The following CENPC variants were observed in gnomAD, a reference collection of about 807,000 sequenced individuals.
CENPC encodes the protein CENP-C 1.
CENPC carries 63 observed loss-of-function variants against 112.1 expected under a neutral mutation model. The ratio of observed to expected loss-of-function variants is 0.56; its 90% CI spans 0.46 to 0.69. The LOEUF (loss-of-function observed/expected upper bound fraction) is 0.69. Among genes scored for constraint, CENPC ranks in the 30% least tolerant of loss-of-function variants. The probability of loss-of-function intolerance (pLI) is 0.00; values close to 1 mark genes in which losing one functional copy is unlikely to be tolerated. For missense variants in CENPC, 1,000 were observed against 1,103.8 expected (o/e 0.91, Z 1.33); for synonymous variants, 333 against 367.6 (o/e 0.91, Z 1.08).
intron 12 of CENPC, among the ~76,000 whole-genome samples, chr4:67,500,111 T>A (rs954421429): frequency 1.2e-4 from 18 of 151,894 alleles, no homozygotes; most frequent in African/African-American, 4.4e-4. Context: ...AAAAGTTTGA[T>A]ATACTGTGAA....
chr4:67,514,088 T>C lies in CENPC; in HGVS notation c.1430A>G (p.Gln477Arg), dbSNP rs1725976349. The change falls in exon 8 of 19, where the codon CAG becomes CGG. Residue 477 changes from glutamine (Q) to arginine (R), a missense_variant. Transcript: ENST00000273853. ...EMGNDCVSKK[Q>R]MPPVGSKKSS... ...TAAACACTTACCCACAGGTGGCATCTGTTTTTTGGAAACACAATCATTTCC... is the reference window on the plus strand; with the variant it reads ...TAAACACTTACCCACAGGTGGCATCCGTTTTTTGGAAACACAATCATTTCC... 5 of 1,594,190 alleles carry C rather than the reference T, an allele frequency of 3.1e-6. No homozygotes were observed. The highest frequency in any genetic ancestry group is 4.3e-6 in the Non-Finnish European group (5 of 1,172,996).
chr4:67,473,002 A>G (rs1724708490), intron 18 of CENPC, among the ~76,000 whole-genome samples: 1 of 152,250 alleles, frequency 6.6e-6, no homozygotes, highest in Non-Finnish European at 1.5e-5. Flanking sequence ...GGATTCCTCT[A>G]ACCAGACATA....
chr4:67,482,953 T>C (rs1358121632), intron 17 of CENPC, among the ~76,000 whole-genome samples: 8 of 151,978 alleles, frequency 5.3e-5, no homozygotes, highest in African/African-American at 9.7e-5. Flanking sequence ...TAGTGGGAGG[T>C]AGTTGAATCA....
intron 7 of CENPC, among the ~76,000 whole-genome samples, chr4:67,516,168 G>T (rs971209268): frequency 1.3e-5 from 2 of 151,954 alleles, no homozygotes; most frequent in Admixed American, 6.6e-5. Context: ...ATTAAGACTA[G>T]TGCATTGAGA....
At chr4:67,512,262 T>C in intron 9 of CENPC, 140 bp downstream of exon 9, 2 of 620,782 alleles carry the variant, frequency 3.2e-6, no homozygotes, top group South Asian at 2.1e-5. Context: ...ATCTTTACCA[T>C]TGATTTAATA....
chr4:67,504,230 A>G (rs1725673860), intron 12 of CENPC, among the ~76,000 whole-genome samples: 1 of 152,142 alleles, frequency 6.6e-6, no homozygotes, highest in Admixed American at 6.6e-5. Context: ...ACTACAATTT[A>G]GAGTATACTA....
chr4:67,486,556 A>G (rs1725099830), intron 17 of CENPC, among the ~76,000 whole-genome samples: 2 of 152,134 alleles, frequency 1.3e-5, no homozygotes, highest in African/African-American at 4.8e-5. Flanking sequence ...TTCTCAATCA[A>G]GGTGATTTTG....
intron 4 of CENPC, among the ~76,000 whole-genome samples, chr4:67,532,018 G>T (rs922733798): frequency 2.6e-5 from 4 of 152,074 alleles, no homozygotes; most frequent in Non-Finnish European, 5.9e-5. Flanking sequence ...CTAATATCCA[G>T]AATCTACAAA....
In CENPC at chr4:67,472,495, ATT is replaced by A; in HGVS notation, c.*108_*109del. 8.1e-7 allele frequency: 1 copy of A among 1,240,508 alleles called. No homozygotes were observed. Among genetic ancestry groups the A allele is most frequent in the Non-Finnish European group, 1.0e-6 (1 of 972,910 alleles). The allele number at this position is 1,240,508 out of a possible 1,614,324, so 76.8% of individuals were successfully genotyped here. The stretch of plus-strand genomic sequence containing the variant: ...ACAAGTCTACAGAAAACTGAATAAA[ATT>A]TTTATTTTAAAACATCACAAGTAAT... On this transcript the variant is annotated 3_prime_UTR_variant, in exon 19 of 19. Coordinates refer to ENST00000273853, the MANE Select transcript of CENPC (RefSeq NM_001812.4).
At chr4:67,524,537 T>A (rs1309859057) in intron 5 of CENPC, among the ~76,000 whole-genome samples, 7 of 151,810 alleles carry the variant, frequency 4.6e-5, no homozygotes, top group Non-Finnish European at 1.0e-4. Flanking sequence ...TATACACCAA[T>A]AACAGACAAG....
In CENPC at chr4:67,540,991, A is replaced by G. The variant is rs368845653; in HGVS notation, c.125T>C (p.Phe42Ser). Residue 42 changes from phenylalanine (F) to serine (S), a missense_variant, in exon 3 of 19, where the codon TTT becomes TCT. By Grantham distance (155) the Phe-to-Ser change is radical. Coordinates refer to ENST00000273853, the MANE Select transcript of CENPC (RefSeq NM_001812.4). Reference sequence around the variant, plus strand: ...AAATGAAGCCTTACTTTTTTCTTCAAAACAGTCTTGTAAGATTTCCAGAAC... The same window carrying G: ...AAATGAAGCCTTACTTTTTTCTTCAGAACAGTCTTGTAAGATTTCCAGAAC... The part of the protein sequence containing the change: ...QNVLEILQDC[F>S]EEKSLANDFS... 1.2e-6 allele frequency: 2 copies of G among 1,607,104 alleles called. No homozygotes were observed. Among genetic ancestry groups the G allele is most frequent in the African/African-American group, 1.3e-5 (1 of 74,794 alleles).
intron 16 of CENPC, 80 bp downstream of exon 16, chr4:67,492,100 A>T: frequency 1.1e-6 from 1 of 942,008 alleles, no homozygotes; most frequent in Non-Finnish European, 1.6e-6. Context: ...AAGGGAAAGT[A>T]GACAGGCCAA....
intron 12 of CENPC, 88 bp from the exon 13 acceptor site, chr4:67,495,300 G>A: frequency 8.2e-7 from 1 of 1,220,278 alleles, no homozygotes. Context: ...TTCAGTATGA[G>A]TATTTTAAAT....
intron 18 of CENPC, among the ~76,000 whole-genome samples, chr4:67,473,483 G>A (rs948199044): frequency 5.3e-5 from 8 of 152,258 alleles, no homozygotes; most frequent in South Asian, 2.1e-4. Flanking sequence ...TATAAAAGCA[G>A]GGATTTTTGC....
rs1725447597 is a variant in CENPC at position 67,496,900 on chromosome 4, CCCCCAA to C, written c.2132-1694_2132-1689del. Among the ~76,000 whole-genome samples the C allele has an allele frequency of 2.1e-5, 3 of 145,956 alleles. No individual in the cohort carries two copies. In the Admixed American group the frequency reaches 2.1e-4, roughly 10 times the overall value. ...ACCCCCCACCCCACCCCCACCCCCACCCCCAAAAATTCAATTTCCTATGCAGTCTCC... is the reference window on the plus strand; with the variant it reads ...ACCCCCCACCCCACCCCCACCCCCACAAATTCAATTTCCTATGCAGTCTCC... On this transcript the variant is annotated intron_variant, in intron 12 of 18. Coordinates refer to ENST00000273853, the MANE Select transcript of CENPC (RefSeq NM_001812.4).
chr4:67,544,898 C>T (rs115071032), intron 1 of CENPC, among the ~76,000 whole-genome samples: 4,029 of 152,148 alleles, frequency 0.026, 91 homozygotes, highest in Middle Eastern at 0.058. Context: ...CCAAGTGTGA[C>T]GCAAAGACAC....
Position 67,471,266 on chromosome 4 carries a change from G to A in CENPC, c.*1339C>T, listed in dbSNP as rs1211282309. 1 of 152,104 alleles carries A rather than the reference G, an allele frequency of 6.6e-6. No homozygotes were observed. Among genetic ancestry groups the A allele is most frequent in the Non-Finnish European group, 1.5e-5 (1 of 68,018 alleles). The allele number at this position is 152,104 out of a possible 1,614,324, so 9.4% of individuals were successfully genotyped here. On this transcript the variant is annotated 3_prime_UTR_variant, in exon 19 of 19. Coordinates refer to ENST00000273853, the MANE Select transcript of CENPC (RefSeq NM_001812.4). ...AGCAATAACTTCACATCATATATAA[G>A]ATAGATTCCACAATTTGAGTCCAGT...
intron 12 of CENPC, among the ~76,000 whole-genome samples, chr4:67,497,149 G>GTAGAT (rs1219519819): frequency 6.6e-6 from 1 of 152,064 alleles, no homozygotes; most frequent in Non-Finnish European, 1.5e-5. Context: ...GGAGGCTGAG[G>GTAGAT]CAGGTAGATC....
At chr4:67,522,423 C>A (rs1726253247) in intron 5 of CENPC, among the ~76,000 whole-genome samples, 1 of 152,152 alleles carries the variant, frequency 6.6e-6, no homozygotes, top group African/African-American at 2.4e-5. Flanking sequence ...ATATTTGACA[C>A]CTGGTCTTGA....
Sources: gnomAD v4.1 joint callset for allele counts (sites outside exome capture counted in the v4.1 genomes callset) on GRCh38, gnomAD v4.1.1 for gene constraint, MANE v1.5 for transcripts, NCBI Gene and HGNC (gene_info 2026-07-23, HGNC 2026-07-21) for gene names.